Variants in KCNA4 observed in about 807,000 individuals in gnomAD.
The protein encoded by KCNA4 is potassium voltage-gated channel subfamily A member 4.
A neutral mutation model predicts 37.2 loss-of-function variants in KCNA4; 5 were observed. The observed-to-expected ratio is 0.13, with a 90% CI of 0.07 to 0.28. KCNA4 has a LOEUF of 0.28. Among genes scored for constraint, KCNA4 ranks in the 10% least tolerant of loss-of-function variants. The probability of loss-of-function intolerance (pLI) is 1.00; values close to 1 mark genes in which losing one functional copy is unlikely to be tolerated. For synonymous variants in KCNA4, 350 were observed against 311.8 expected, an observed-to-expected ratio of 1.12 and a Z score of -1.29; for missense variants, 634 against 817.4, an observed-to-expected ratio of 0.78 and a Z score of 2.74.
Position 30,011,388 on chromosome 11 carries a change from T to G in KCNA4, c.1291A>C (p.Asn431His). The change falls in exon 2 of 2, where the codon AAT becomes CAT. Residue 431 changes from asparagine to histidine, a missense_variant. Asn to His is a moderately conservative substitution (Grantham distance 68, BLOSUM62 1). This residue lies in a region of KCNA4 where 252 missense variants were observed against 344.2 expected (regional missense o/e 0.73). Coordinates refer to ENST00000328224, the MANE Select transcript of KCNA4 (RefSeq NM_002233.4). The surrounding 1 kb of genome is among the most constrained non-coding windows in gnomAD (Gnocchi z 5.6). ...GACATGGCCTGCTGCTGCTGACCAT[T>G]GCCACCCCCCTGTTGCTGGGCCAGG... is the stretch of plus-strand genomic sequence containing the variant. ...TDLAQQQGGG[N>H]GQQQQAMSFA... 1 of 1,614,114 alleles carries G rather than the reference T, an allele frequency of 6.2e-7. No homozygotes were observed. Among genetic ancestry groups the G allele is most frequent in the Non-Finnish European group, 8.5e-7 (1 of 1,180,010 alleles).
chr11:30,016,258 T>C (rs1283667335), intron 1 of KCNA4: 1 of 152,018 alleles, frequency 6.6e-6, no homozygotes, highest in African/African-American at 2.4e-5. Context: ...CCCCTCTCGT[T>C]GGGAAACGAC....
chr11:30,011,870 C>T lies in KCNA4; in HGVS notation c.809G>A (p.Arg270Gln), dbSNP rs764196528. Reference sequence around the variant, plus strand: ...TTCTCTCACAAAGCCCTCGTCCTCCCGAAACTTCAACAGGGCCTCCTCCCC... The same window carrying T: ...TTCTCTCACAAAGCCCTCGTCCTCCTGAAACTTCAACAGGGCCTCCTCCCC... The part of the protein sequence containing the change: ...QLGEEALLKF[R>Q]EDEGFVREEE... Residue 270 changes from arginine (R) to glutamine (Q), a missense_variant, in exon 2 of 2, where the codon CGG (arginine) becomes CAG (glutamine). This residue lies in a region of KCNA4 where 252 missense variants were observed against 344.2 expected (regional missense o/e 0.73). Transcript: ENST00000328224. This position sits in a 1 kb window ranked among gnomAD's most constrained non-coding sequence, Gnocchi z 5.6. 11 of 1,613,906 alleles carry T rather than the reference C, an allele frequency of 6.8e-6. No individual in the cohort carries two copies. Among genetic ancestry groups the T allele is most frequent in the South Asian group, 5.5e-5 (5 of 91,070 alleles).
Position 30,013,464 on chromosome 11 carries a change from A to G in KCNA4, c.-782-4T>C, listed in dbSNP as rs1452768583. 1 of 165,990 alleles carries G rather than the reference A, an allele frequency of 6.0e-6. No homozygotes were observed. The allele number at this position is 165,990 out of a possible 1,614,324, so 10.3% of individuals were successfully genotyped here. A position where few individuals can be genotyped will look rare whatever the true frequency, so the allele number is the denominator to read the frequency against. ...TCATGCAGAAGAAGCACTTCACCTG[A>G]AAAAGGATTGGAAAGAAGCATAGGA... On this transcript the variant is annotated splice_polypyrimidine_tract_variant and splice_region_variant and intron_variant, in intron 1 of 1. Coordinates refer to ENST00000328224, the MANE Select transcript of KCNA4 (RefSeq NM_002233.4).
chr11:30,013,693 C>A (rs1850327115), intron 1 of KCNA4, among the ~76,000 whole-genome samples: 1 of 152,122 alleles, frequency 6.6e-6, no homozygotes. Flanking sequence ...TATGGTAACT[C>A]AATTATTTTT....
In KCNA4 at chr11:30,011,576, T is replaced by C. The variant is rs1320743511; in HGVS notation, c.1103A>G (p.Asn368Ser). 1.2e-6 allele frequency: 2 copies of C among 1,614,060 alleles called. No homozygotes were observed. Among genetic ancestry groups the C allele is most frequent in the Non-Finnish European group, 1.7e-6 (2 of 1,180,022 alleles). The change falls in exon 2 of 2, where the codon AAT becomes AGT. Residue 368 changes from asparagine to serine, a missense_variant. Transcript: ENST00000328224. The surrounding 1 kb of genome is among the most constrained non-coding windows in gnomAD (Gnocchi z 5.6). ...TGTTTCCACGATGAAGAAGGGGTCA[T>C]TGAATATTGTGTGCCCTGAGTTCTC... ...HLENSGHTIFNDPFFIVETVC... is the reference protein window; with the variant it reads ...HLENSGHTIFSDPFFIVETVC...
At position 30,012,705 on chromosome 11, in the gene KCNA4, T is replaced by A. The variant is rs1245357649; in HGVS notation, c.-27A>T. ...GTGGTGGTTTTCGGAAATGGCTGGT[T>A]CCAGTTGTAGAAGAAGAAGAAAGAA... On this transcript the variant is annotated 5_prime_UTR_variant, in exon 2 of 2. Coordinates refer to ENST00000328224, the MANE Select transcript of KCNA4 (RefSeq NM_002233.4). 1 of 1,515,762 alleles carries A rather than the reference T, an allele frequency of 6.6e-7. No individual in the cohort carries two copies. Among genetic ancestry groups the A allele is most frequent in the Non-Finnish European group, 8.8e-7 (1 of 1,131,776 alleles). 93.9% of individuals were successfully genotyped at this position (1,515,762 alleles called of 1,614,324 possible).
chr11:30,015,491 T>A (rs1430707339), intron 1 of KCNA4, among the ~76,000 whole-genome samples: 1 of 151,968 alleles, frequency 6.6e-6, no homozygotes, highest in African/African-American at 2.4e-5. Context: ...CTTCGGGAGT[T>A]CTAGAACTGC....
Position 30,011,253 on chromosome 11 carries a change from G to C in KCNA4, c.1426C>G (p.Arg476Gly). The change falls in exon 2 of 2, where the codon CGG becomes GGG. Residue 476 changes from arginine to glycine, a missense_variant. Physicochemically the swap from Arg to Gly is moderately radical, Grantham distance 125. Around this residue, in one of 8 missense-constraint regions of KCNA4, gnomAD observed 19 missense variants for 56.6 expected, o/e 0.34. Transcript: ENST00000328224. The surrounding 1 kb of genome is among the most constrained non-coding windows in gnomAD (Gnocchi z 5.6). ...AAGAAGATCAGAAGGCCCAGTTCCC[G>C]CATGCTGGCTCTGAGGGTGTGGCCC... ...ILGHTLRASMRELGLLIFFLF... is the reference protein window; with the variant it reads ...ILGHTLRASMGELGLLIFFLF... 2 of 1,614,116 alleles carry C rather than the reference G, an allele frequency of 1.2e-6. No individual in the cohort carries two copies. The highest frequency in any genetic ancestry group is 1.7e-6 in the Non-Finnish European group (2 of 1,180,028).
Position 30,011,393 on chromosome 11 carries a change from C to A in KCNA4, c.1286G>T (p.Gly429Val). The change falls in exon 2 of 2, where the codon GGT becomes GTT. Residue 429 changes from glycine to valine, a missense_variant. Transcript: ENST00000328224. This position sits in a 1 kb window ranked among gnomAD's most constrained non-coding sequence, Gnocchi z 5.6. ...GGCCTGCTGCTGCTGACCATTGCCA[C>A]CCCCCTGTTGCTGGGCCAGGTCAGT... ...LGTDLAQQQG[G>V]GNGQQQQAMS... is the part of the protein sequence containing the mutation. 6.2e-7 allele frequency: 1 copy of A among 1,613,972 alleles called. No homozygotes were observed. The highest frequency in any genetic ancestry group is 8.5e-7 in the Non-Finnish European group (1 of 1,179,974).
rs563180160 is a variant in KCNA4, at chr11:30,012,849, C to T, written c.-171G>A. 7 of 909,612 alleles carry T rather than the reference C, an allele frequency of 7.7e-6. No homozygotes were observed. Among genetic ancestry groups the T allele is most frequent in the African/African-American group, 1.7e-5 (1 of 59,106 alleles). The allele number at this position is 909,612 out of a possible 1,614,324, so 56.3% of individuals were successfully genotyped here. A position where few individuals can be genotyped will look rare whatever the true frequency, so the allele number is the denominator to read the frequency against. ...TGCATTTTCTGTTTTTAAATCAGCACGCCCCATGCTCTCTCTTCTCAGGGA... is the reference window on the plus strand; with the variant it reads ...TGCATTTTCTGTTTTTAAATCAGCATGCCCCATGCTCTCTCTTCTCAGGGA... On this transcript the variant is annotated 5_prime_UTR_variant, in exon 2 of 2. The change creates a new upstream start codon in the 5' untranslated region. Transcript: ENST00000328224.
chr11:30,010,996 A>G lies in KCNA4; in HGVS notation c.1683T>C (p.Ser561=). Residue 561 remains serine, a synonymous_variant, in exon 2 of 2, where the codon TCT becomes TCC. Transcript: ENST00000328224. ...CTCTGTGGTAGAAATAGTTAAAGTTAGAGACAATCACTGGCACTGGCAAAG... is the reference window on the plus strand; with the variant it reads ...CTCTGTGGTAGAAATAGTTAAAGTTGGAGACAATCACTGGCACTGGCAAAG... ...TIALPVPVIV[S]NFNYFYHRET... is the part of the protein sequence containing the mutation. The G allele has an allele frequency of 6.2e-7, 1 of 1,614,226 alleles. No homozygotes were observed. The highest frequency in any genetic ancestry group is 8.5e-7 in the Non-Finnish European group (1 of 1,180,038).
chr11:30,012,790 G>T lies in KCNA4; in HGVS notation c.-112C>A. The T allele has an allele frequency of 7.0e-7, 1 of 1,437,824 alleles. No individual in the cohort carries two copies. Among genetic ancestry groups the T allele is most frequent in the Non-Finnish European group, 9.3e-7 (1 of 1,080,700 alleles). The allele number at this position is 1,437,824 out of a possible 1,614,324, so 89.1% of individuals were successfully genotyped here. ...TAAGTTTGGAACCCTTAAGCAGATTGCTTGGAAGACTAAGGATATTTTCAG... is the reference window on the plus strand; with the variant it reads ...TAAGTTTGGAACCCTTAAGCAGATTTCTTGGAAGACTAAGGATATTTTCAG... On this transcript the variant is annotated 5_prime_UTR_variant, in exon 2 of 2. Transcript: ENST00000328224.
In KCNA4 at chr11:30,012,149, C is replaced by T. The variant is rs753397567; in HGVS notation, c.530G>A (p.Arg177His). ...TAGGCCTGACACATTTATCACCACA[C>T]GTTCACAACAGTCACTGTAGCGGAC... ...SSVRYSDCCERVVINVSGLRF... is the reference protein window; with the variant it reads ...SSVRYSDCCEHVVINVSGLRF... Residue 177 changes from arginine to histidine, a missense_variant, in exon 2 of 2, where the codon CGT (arginine) becomes CAT (histidine). Around this residue, in one of 8 missense-constraint regions of KCNA4, gnomAD observed 252 missense variants for 344.2 expected, o/e 0.73. Transcript: ENST00000328224. 3.1e-6 allele frequency: 5 copies of T among 1,614,190 alleles called. No homozygotes were observed. Among genetic ancestry groups the T allele is most frequent in the South Asian group, 2.2e-5 (2 of 91,082 alleles).
rs942866885 is a variant in KCNA4, at chr11:30,015,191, A to C, written c.-783+1381T>G. On this transcript the variant is annotated intron_variant, in intron 1 of 1. Transcript: ENST00000328224. ...TGCCTGACTCCTAACATCATCTCAT[A>C]CTCTGAAATGTTTACCCTCAAGGAG... Among the ~76,000 whole-genome samples the C allele has an allele frequency of 5.3e-5, 8 of 152,156 alleles. No individual in the cohort carries two copies. The South Asian group carries it at 1.0e-3, about 20-fold the overall frequency.
chr11:30,011,833 C>G lies in KCNA4; in HGVS notation c.846G>C (p.Arg282Ser). 5 of 1,613,978 alleles carry G rather than the reference C, an allele frequency of 3.1e-6. No homozygotes were observed. Among genetic ancestry groups the G allele is most frequent in the East Asian group, 2.2e-5 (1 of 44,862 alleles). The change falls in exon 2 of 2, where the codon AGG becomes AGC. Residue 282 changes from arginine (R) to serine (S), a missense_variant. Arg to Ser is a moderately radical substitution (Grantham distance 110). This residue lies in a region of KCNA4 where 252 missense variants were observed against 344.2 expected (regional missense o/e 0.73). Transcript: ENST00000328224. This position sits in a 1 kb window ranked among gnomAD's most constrained non-coding sequence, Gnocchi z 5.6. ...TTTTAAATTCATTCTCGGGGAGGGC[C>G]CTGTCTTCCTCTTCTCTCACAAAGC... ...DEGFVREEED[R>S]ALPENEFKKQ...
chr11:30,014,034 C>T (rs543403183), intron 1 of KCNA4, among the ~76,000 whole-genome samples: 1 of 152,160 alleles, frequency 6.6e-6, no homozygotes, highest in Non-Finnish European at 1.5e-5. Context: ...ATAACACAAC[C>T]TCCCCCATCC....
Position 30,010,335 on chromosome 11 carries a change from T to C in KCNA4, c.*382A>G, listed in dbSNP as rs1850291020. ...TCATTAGTTCTTACATAGTAAATAC[T>C]TCAAAATGCCAACTTTTCCCTTCAC... is the stretch of plus-strand genomic sequence containing the variant. On this transcript the variant is annotated 3_prime_UTR_variant, in exon 2 of 2. Coordinates refer to ENST00000328224, the MANE Select transcript of KCNA4 (RefSeq NM_002233.4). The C allele has an allele frequency of 5.2e-6, 1 of 193,928 alleles. No homozygotes were observed. Among genetic ancestry groups the C allele is most frequent in the Non-Finnish European group, 1.0e-5 (1 of 96,270 alleles). The allele number at this position is 193,928 out of a possible 1,614,324, so 12.0% of individuals were successfully genotyped here. A position where few individuals can be genotyped will look rare whatever the true frequency, so the allele number is the denominator to read the frequency against.
rs761840388 is a variant in KCNA4, at chr11:30,012,720, A to G, written c.-42T>C. ...AATGGCTGGTTCCAGTTGTAGAAGA[A>G]GAAGAAAGAAAAATAGGGCAGCTTC... On this transcript the variant is annotated 5_prime_UTR_variant, in exon 2 of 2. Transcript: ENST00000328224. 1.4e-5 allele frequency: 21 copies of G among 1,509,642 alleles called. No individual in the cohort carries two copies. The East Asian group carries it at 4.6e-4, about 33-fold the overall frequency. 93.5% of individuals were successfully genotyped at this position (1,509,642 alleles called of 1,614,324 possible).
Position 30,010,543 on chromosome 11 carries a change from C to A in KCNA4, c.*174G>T. On this transcript the variant is annotated 3_prime_UTR_variant, in exon 2 of 2. Transcript: ENST00000328224. Reference sequence around the variant, plus strand: ...TTCCTCCCTCTTCTCCAAGATGTATCATTTATTTGATATGTAATACAAGTT... The same window carrying A: ...TTCCTCCCTCTTCTCCAAGATGTATAATTTATTTGATATGTAATACAAGTT... The A allele has an allele frequency of 2.0e-6, 2 of 990,146 alleles. No homozygotes were observed. The highest frequency in any genetic ancestry group is 2.8e-6 in the Non-Finnish European group (2 of 719,596). 61.3% of individuals were successfully genotyped at this position (990,146 alleles called of 1,614,324 possible).
Sources: allele counts gnomAD v4.1 joint callset (sites outside exome capture counted in the v4.1 genomes callset), GRCh38; gene constraint gnomAD v4.1.1; regional missense constraint gnomAD v4.1.1; non-coding constraint Gnocchi (gnomAD v3.1); transcripts MANE v1.5; gene names NCBI Gene and HGNC (gene_info 2026-07-23, HGNC 2026-07-21).